Variants in DNAH8 observed in about 807,000 individuals in gnomAD.
DNAH8 encodes the protein dynein axonemal heavy chain 8.
In DNAH8, 382 loss-of-function variants were observed where a neutral mutation model predicts 562.1. The observed-to-expected ratio is 0.68, with a 90% confidence interval of 0.63 to 0.74. The LOEUF (loss-of-function observed/expected upper bound fraction) is 0.74, where lower values mean the gene tolerates loss of function less well. DNAH8 is among the 30% of genes least tolerant of loss of function. DNAH8 has a pLI of 0.00. For missense variants in DNAH8, 5,203 were observed against 5,620.4 expected, an observed-to-expected ratio of 0.93 and a Z score of 2.37; for synonymous variants, 1,881 against 1,919.4, an observed-to-expected ratio of 0.98 and a Z score of 0.52.
At chr6:38,880,799 G>A (rs551338273) in intron 53 of DNAH8, among the ~76,000 whole-genome samples, 8 of 152,318 alleles carry the variant, frequency 5.3e-5, no homozygotes, top group Admixed American at 3.9e-4. Context: ...AGGCCAAGGC[G>A]AGTAGATCAC....
At chr6:38,838,097 A>G (rs1294697086) in intron 33 of DNAH8, 55 bp downstream of exon 33, 9 of 1,128,834 alleles carry the variant, frequency 8.0e-6, no homozygotes, top group Non-Finnish European at 1.2e-5. Flanking sequence ...ACTATCTATT[A>G]GAAGAATCAT....
intron 87 of DNAH8, among the ~76,000 whole-genome samples, chr6:38,986,346 A>C (rs187106666): frequency 6.6e-5 from 10 of 152,342 alleles, no homozygotes; most frequent in African/African-American, 1.9e-4. Flanking sequence ...CTTTAAAAAA[A>C]AGTAAAGTGA....
rs996400317 is a variant in DNAH8, at chr6:38,854,049, T to C, written c.5733+702T>C. The stretch of plus-strand genomic sequence containing the variant: ...ACGTGTGTGTGTGTGTATATATATA[T>C]GTATATATATACACCAATTCATAGA... On this transcript the variant is annotated intron_variant, in intron 41 of 92. Transcript: ENST00000327475. Among the ~76,000 whole-genome samples the C allele has an allele frequency of 7.2e-5, 11 of 152,176 alleles. No individual in the cohort carries two copies. The South Asian group carries it at 1.2e-3, about 17-fold the overall frequency.
At chr6:38,930,477 G>A (rs4711566) in intron 75 of DNAH8, among the ~76,000 whole-genome samples, 106,571 of 152,032 alleles carry the variant, frequency 0.7, 37,995 homozygotes, top group East Asian at 0.83. Flanking sequence ...TTTATATGCC[G>A]CATTTTAAAA....
At chr6:38,857,902 C>T (rs1363286486) in intron 42 of DNAH8, among the ~76,000 whole-genome samples, 160 bp downstream of exon 42, 2 of 152,092 alleles carry the variant, frequency 1.3e-5, no homozygotes, top group Non-Finnish European at 2.9e-5. Flanking sequence ...TATTGGATGG[C>T]TTAAACAACC....
chr6:38,894,895 A>G (rs757502354), intron 59 of DNAH8, 31 bp downstream of exon 59: 2 of 1,590,384 alleles, frequency 1.3e-6, no homozygotes, highest in South Asian at 2.3e-5. Context: ...GTTTAAATGT[A>G]TGACCTGAGA....
chr6:38,750,689 C>A, intron 9 of DNAH8, 100 bp downstream of exon 9: 1 of 683,544 alleles, frequency 1.5e-6, no homozygotes, highest in Admixed American at 2.6e-5. Context: ...CGCTTGAGCC[C>A]AGGAGTGCAA....
intron 21 of DNAH8, among the ~76,000 whole-genome samples, chr6:38,799,785 G>A (rs531753590): frequency 6.6e-6 from 1 of 152,092 alleles, no homozygotes; most frequent in East Asian, 1.9e-4. Context: ...CCAGCCCCAA[G>A]GCAACCCCAA....
intron 52 of DNAH8, among the ~76,000 whole-genome samples, chr6:38,874,323 T>C (rs1204249574): frequency 2.9e-5 from 3 of 103,712 alleles, no homozygotes; most frequent in Non-Finnish European, 5.7e-5. Context: ...TCCCTTCCCT[T>C]CCCTCCCTCT....
rs779023133 is a variant in DNAH8 at position 38,734,535 on chromosome 6, C to A, written c.672C>A (p.Asp224Glu). The change falls in exon 5 of 93, where the codon GAC becomes GAA. Residue 224 changes from aspartate to glutamate, a missense_variant. By Grantham distance (45) the Asp-to-Glu change is conservative (BLOSUM62 2). Coordinates refer to ENST00000327475, the MANE Select transcript of DNAH8 (RefSeq NM_001206927.2). Reference sequence around the variant, plus strand: ...CAAAAATGATGAAATTGTATATAGACAATGCAGCCCCGGATAAACTAAAAG... The same window carrying A: ...CAAAAATGATGAAATTGTATATAGAAAATGCAGCCCCGGATAAACTAAAAG... ...KGAKMMKLYI[D>E]NAAPDKLKGL... 2 of 1,613,954 alleles carry A rather than the reference C, an allele frequency of 1.2e-6. No individual in the cohort carries two copies. The highest frequency in any genetic ancestry group is 1.7e-5 in the Admixed American group (1 of 60,010).
intron 20 of DNAH8, 84 bp from the exon 21 acceptor site, chr6:38,791,466 ATTAAT>A (rs1317649586): frequency 7.0e-7 from 1 of 1,428,492 alleles, no homozygotes; most frequent in African/African-American, 1.5e-5. Flanking sequence ...AGCCTTCTAA[ATTAAT>A]TTATAACTCA....
Position 38,898,326 on chromosome 6 carries a change from A to T in DNAH8, c.9009A>T (p.Arg3003Ser), listed in dbSNP as rs1561834966. 3 of 1,589,864 alleles carry T rather than the reference A, an allele frequency of 1.9e-6. No homozygotes were observed. Among genetic ancestry groups the T allele is most frequent in the Non-Finnish European group, 2.6e-6 (3 of 1,172,440 alleles). The part of the protein sequence containing the change: ...FYQRQFNEII[R>S]GTSLDLVFFK... The stretch of plus-strand genomic sequence containing the variant: ...AGAGACAGTTCAATGAAATCATTAG[A>T]GGAACATCTCTTGATCTGGTGTTTT... Residue 3003 changes from arginine to serine, a missense_variant, in exon 61 of 93, where the codon AGA (arginine) becomes AGT (serine). Coordinates refer to ENST00000327475, the MANE Select transcript of DNAH8 (RefSeq NM_001206927.2).
At chr6:38,818,987 A>G (rs142681428) in intron 26 of DNAH8, among the ~76,000 whole-genome samples, 2 of 152,296 alleles carry the variant, frequency 1.3e-5, no homozygotes, top group African/African-American at 4.8e-5. Context: ...CTGGACATTT[A>G]TTACTCGGCT....
chr6:38,962,851 C>T lies in DNAH8; in HGVS notation c.12452-8741C>T, dbSNP rs145217472. On this transcript the variant is annotated intron_variant, in intron 82 of 92. Transcript: ENST00000327475. Reference sequence around the variant, plus strand: ...CAGCAACCTGGGTGGAATTGGAGACCATTATTCTAAGTGAAGTAAATCAGG... The same window carrying T: ...CAGCAACCTGGGTGGAATTGGAGACTATTATTCTAAGTGAAGTAAATCAGG... 5.9e-4 allele frequency among the ~76,000 whole-genome samples: 89 copies of T among 152,136 alleles called. 1 individual carries two copies. The East Asian group carries it at 7.0e-3, about 12-fold the overall frequency.
intron 26 of DNAH8, among the ~76,000 whole-genome samples, chr6:38,821,104 T>TCA (rs772613354): frequency 1.3e-5 from 2 of 152,044 alleles, no homozygotes; most frequent in Non-Finnish European, 2.9e-5. Context: ...GAATCAACCC[T>TCA]CACACACACA....
intron 33 of DNAH8, among the ~76,000 whole-genome samples, chr6:38,840,909 T>A (rs888430519): frequency 6.6e-6 from 1 of 151,140 alleles, no homozygotes. Context: ...GCAGTAGTCA[T>A]TTTTTTTTCA....
chr6:38,862,339 C>T lies in DNAH8; in HGVS notation c.6191C>T (p.Pro2064Leu). ...GMNMGGAPAG[P>L]AGTGKTETTK... is the part of the protein sequence containing the mutation. ...AACATGGGAGGTGCTCCCGCAGGACCTGCTGGCACTGGCAAAACAGAAACC... is the reference window on the plus strand; with the variant it reads ...AACATGGGAGGTGCTCCCGCAGGACTTGCTGGCACTGGCAAAACAGAAACC... The change falls in exon 44 of 93, where the codon CCT (proline) becomes CTT (leucine). Residue 2064 changes from proline (P) to leucine (L), a missense_variant. Coordinates refer to ENST00000327475, the MANE Select transcript of DNAH8 (RefSeq NM_001206927.2). 1 of 1,614,160 alleles carries T rather than the reference C, an allele frequency of 6.2e-7. No individual in the cohort carries two copies. Among genetic ancestry groups the T allele is most frequent in the Non-Finnish European group, 8.5e-7 (1 of 1,180,004 alleles).
chr6:38,872,090 C>A (rs1415587230), intron 49 of DNAH8, among the ~76,000 whole-genome samples: 1 of 152,184 alleles, frequency 6.6e-6, no homozygotes, highest in East Asian at 1.9e-4. Flanking sequence ...AATCCTCATT[C>A]ATGATGTACT....
intron 88 of DNAH8, among the ~76,000 whole-genome samples, chr6:38,998,739 C>T (rs1377851110): frequency 6.6e-6 from 1 of 152,156 alleles, no homozygotes; most frequent in Non-Finnish European, 1.5e-5. Flanking sequence ...TTCCCAGAAC[C>T]ACCAAGCTAC....
Sources: gnomAD v4.1 joint callset for allele counts (sites outside exome capture counted in the v4.1 genomes callset) on GRCh38, gnomAD v4.1.1 for gene constraint, MANE v1.5 for transcripts, NCBI Gene and HGNC (gene_info 2026-07-23, HGNC 2026-07-21) for gene names.